The following ZNF365 variants were observed in gnomAD, a reference collection of about 807,000 sequenced individuals.
ZNF365 encodes the protein zinc finger protein 365, also known as protein ZNF365.
ZNF365 carries 22 observed loss-of-function variants against 35.0 expected under a neutral mutation model. That is an observed-to-expected ratio of 0.63 (90% CI 0.45 to 0.90). The LOEUF (loss-of-function observed/expected upper bound fraction) is 0.90. Ranked by LOEUF, ZNF365 falls within the 40% of genes least tolerant of loss-of-function variation. The pLI is 0.00. For synonymous variants in ZNF365, 188 were observed against 196.2 expected (o/e 0.96, Z 0.35); for missense variants, 448 against 500.3 (o/e 0.90, Z 1.00).
At chr10:62,444,875 T>C (rs546703424) in intron 3 of ZNF365, among the ~76,000 whole-genome samples, 1 of 152,244 alleles carries the variant, frequency 6.6e-6, no homozygotes, top group East Asian at 1.9e-4. Context: ...GCTGCACCCA[T>C]TAACTCGTCA....
intron 4 of ZNF365, among the ~76,000 whole-genome samples, chr10:62,462,763 T>G (rs1275622612): frequency 6.6e-6 from 1 of 152,218 alleles, no homozygotes; most frequent in Non-Finnish European, 1.5e-5. Context: ...AATCCAAATT[T>G]AATTTGATGT....
chr10:62,470,655 G>A (rs983496945), intron 4 of ZNF365, among the ~76,000 whole-genome samples: 1 of 152,196 alleles, frequency 6.6e-6, no homozygotes, highest in African/African-American at 2.4e-5. Context: ...TGTTATGACA[G>A]TGCTGGGGTT....
At chr10:62,441,034 T>C (rs941600637) in intron 3 of ZNF365, among the ~76,000 whole-genome samples, 8 of 152,220 alleles carry the variant, frequency 5.3e-5, no homozygotes, top group Non-Finnish European at 1.2e-4. Context: ...TATTTAAATA[T>C]TCACTTACTC....
intron 3 of ZNF365, among the ~76,000 whole-genome samples, chr10:62,439,316 A>G (rs1461831055): frequency 1.3e-5 from 2 of 151,890 alleles, no homozygotes; most frequent in Admixed American, 6.6e-5. Flanking sequence ...TTTATTCCAG[A>G]AGCACTCACG....
At chr10:62,459,720 G>C (rs772908575) in intron 3 of ZNF365, 17 of 1,600,572 alleles carry the variant, frequency 1.1e-5, no homozygotes, top group Non-Finnish European at 1.4e-5. Flanking sequence ...CATGATGGCA[G>C]TACCCTTCTT....
intron 4 of ZNF365, chr10:62,459,820 T>G (rs761090078): frequency 8.8e-6 from 14 of 1,593,400 alleles, no homozygotes; most frequent in Non-Finnish European, 8.5e-7. Context: ...CCTGGGTGGG[T>G]GGGTTGGGCC....
chr10:62,446,235 T>A (rs1010546421), intron 3 of ZNF365, among the ~76,000 whole-genome samples: 11 of 152,146 alleles, frequency 7.2e-5, no homozygotes, highest in Non-Finnish European at 1.5e-4. Context: ...CTGTGTGATC[T>A]TGGGAAGACA....
chr10:62,397,537 A>G (rs1839751253), intron 3 of ZNF365, among the ~76,000 whole-genome samples: 1 of 152,216 alleles, frequency 6.6e-6, no homozygotes, highest in Admixed American at 6.5e-5. Flanking sequence ...GGGGATGGAA[A>G]TACACTGCCT....
chr10:62,374,865 C>T (rs1350743470), intron 1 of ZNF365, among the ~76,000 whole-genome samples: 1 of 152,186 alleles, frequency 6.6e-6, no homozygotes, highest in Non-Finnish European at 1.5e-5. Flanking sequence ...CTTCCCCTTT[C>T]CTTACCTCTT....
intron 3 of ZNF365, among the ~76,000 whole-genome samples, chr10:62,395,600 G>T (rs1316408582): frequency 6.8e-6 from 1 of 146,600 alleles, no homozygotes; most frequent in Non-Finnish European, 1.5e-5. Flanking sequence ...CAGGTGATCT[G>T]CCCACGTCGG....
intron 3 of ZNF365, among the ~76,000 whole-genome samples, chr10:62,453,557 C>T (rs753008168): frequency 7.2e-5 from 11 of 152,132 alleles, no homozygotes; most frequent in Admixed American, 5.2e-4. Context: ...AGATTAATTC[C>T]GTATCTTTGC....
chr10:62,429,620 G>T (rs1394488717), intron 3 of ZNF365, among the ~76,000 whole-genome samples: 1 of 152,094 alleles, frequency 6.6e-6, no homozygotes, highest in Admixed American at 6.6e-5. Context: ...TCTTAGTTTT[G>T]CACAGTTCAA....
intron 3 of ZNF365, among the ~76,000 whole-genome samples, chr10:62,451,319 G>T (rs754168044): frequency 6.6e-6 from 1 of 152,052 alleles, no homozygotes; most frequent in Non-Finnish European, 1.5e-5. Flanking sequence ...GCCTGAGCTT[G>T]TTTCCTTGTT....
In ZNF365 at chr10:62,456,889, A is replaced by T. The variant is rs146685684; in HGVS notation, c.925-2852A>T. On this transcript the variant is annotated intron_variant, in intron 3 of 4. Coordinates refer to the ZNF365 transcript ENST00000395255. ...TCAGTGATTACAACAATAAGCATTT[A>T]CTTAACATGTGTATGTGTGGGTTGG... 3.8e-4 allele frequency among the ~76,000 whole-genome samples: 58 copies of T among 152,284 alleles called. No individual in the cohort carries two copies. The East Asian group carries it at 9.8e-3, about 26-fold the overall frequency.
intron 2 of ZNF365, among the ~76,000 whole-genome samples, chr10:62,382,434 G>A (rs1485819540): frequency 6.6e-6 from 1 of 152,194 alleles, no homozygotes; most frequent in African/African-American, 2.4e-5. Flanking sequence ...TAAATGACGT[G>A]TCAAGCATAT....
intron 3 of ZNF365, among the ~76,000 whole-genome samples, chr10:62,430,285 A>G (rs1170875840): frequency 1.8e-5 from 2 of 109,350 alleles, no homozygotes; most frequent in Non-Finnish European, 3.5e-5. Context: ...GGTTCACGCC[A>G]TTCTCCTGCC....
chr10:62,448,299 G>A (rs1304959247), intron 3 of ZNF365, among the ~76,000 whole-genome samples: 3 of 152,098 alleles, frequency 2.0e-5, no homozygotes, highest in Non-Finnish European at 4.4e-5. Flanking sequence ...TTTTCATCAG[G>A]GGTGGAGACA....
At chr10:62,406,897 G>A (rs1363432425), downstream of ZNF365, among the ~76,000 whole-genome samples, 1 of 152,182 alleles carries the variant, frequency 6.6e-6, no homozygotes, top group Non-Finnish European at 1.5e-5. Context: ...CCAGCACCTA[G>A]CACTGGGCCT....
intron 3 of ZNF365, among the ~76,000 whole-genome samples, chr10:62,389,028 A>G (rs1839577171): frequency 6.6e-6 from 1 of 152,210 alleles, no homozygotes; most frequent in African/African-American, 2.4e-5. Flanking sequence ...ACTGTTCAAC[A>G]GTCTCTATAA....
Sources: gnomAD v4.1 joint callset for allele counts (sites outside exome capture counted in the v4.1 genomes callset) on GRCh38, gnomAD v4.1.1 for gene constraint, MANE v1.5 for transcripts, NCBI Gene and HGNC (gene_info 2026-07-23, HGNC 2026-07-21) for gene names.